Variants in DOCK11 observed in about 807,000 individuals in gnomAD.
DOCK11 encodes the protein dedicator of cytokinesis 11.
In DOCK11, 70 loss-of-function variants were observed where a neutral mutation model predicts 169.1. That is an observed-to-expected ratio of 0.41 (90% CI 0.34 to 0.51). DOCK11 has a LOEUF of 0.51. Ranked by LOEUF, DOCK11 falls within the 20% of genes least tolerant of loss-of-function variation. The probability of loss-of-function intolerance (pLI) is 0.10; values close to 1 mark genes in which losing one functional copy is unlikely to be tolerated. For synonymous variants in DOCK11, 529 were observed against 541.3 expected (o/e 0.98, Z 0.32); for missense variants, 1,166 against 1,538.8 (o/e 0.76, Z 4.05).
At chrX:118,632,162 C>G (rs1165059502) in intron 35 of DOCK11, among the ~76,000 whole-genome samples, 1 of 110,927 alleles carries the variant, frequency 9.0e-6, no homozygotes, top group Non-Finnish European at 1.9e-5. Flanking sequence ...ACGGTGTTAG[C>G]CAGGATGGTC....
intron 41 of DOCK11, 104 bp downstream of exon 41, chrX:118,649,231 C>A: frequency 4.9e-6 from 3 of 615,038 alleles, no homozygotes; most frequent in South Asian, 5.1e-5. Context: ...ATGTGGCCAT[C>A]TAGCACTTGA....
At chrX:118,538,600 C>A in intron 1 of DOCK11, 1 of 540,529 alleles carries the variant, frequency 1.9e-6, no homozygotes, top group African/African-American at 2.5e-5. Flanking sequence ...AAGACTGAAA[C>A]ATATGCTCAC....
In DOCK11 at chrX:118,561,424, C is replaced by T. The variant is rs2012904789; in HGVS notation, c.600C>T (p.Asp200=). ...RRYFYLTQLP[D]GSYILNSYKD... ...ATTTTTACTTGACCCAACTTCCTGACGGTTCATATATTCTCAATTCCTATA... is the reference window on the plus strand; with the variant it reads ...ATTTTTACTTGACCCAACTTCCTGATGGTTCATATATTCTCAATTCCTATA... The change falls in exon 7 of 53, where the codon GAC becomes GAT. Residue 200 remains aspartate, a synonymous_variant. Transcript: ENST00000276202. 4.2e-6 allele frequency: 5 copies of T among 1,201,156 alleles called. No homozygotes were observed. The highest frequency in any genetic ancestry group is 3.0e-5 in the East Asian group (1 of 33,476).
chrX:118,647,759 A>T (rs189022026), intron 40 of DOCK11, among the ~76,000 whole-genome samples: 7,282 of 49,055 alleles, frequency 0.15, 538 homozygotes, highest in African/African-American at 0.18. Context: ...AATAATATAT[A>T]ATATATTATA....
chrX:118,652,137 TC>T, intron 42 of DOCK11, 60 bp downstream of exon 42: 6 of 733,977 alleles, frequency 8.2e-6, no homozygotes, highest in African/African-American at 2.1e-5. Context: ...AAGTTTAAAC[TC>T]TTAAACTGTC....
intron 12 of DOCK11, among the ~76,000 whole-genome samples, chrX:118,575,415 A>G (rs1198156661): frequency 8.9e-6 from 1 of 112,587 alleles, no homozygotes; most frequent in Non-Finnish European, 1.9e-5. Flanking sequence ...ATCAGAAATA[A>G]TGCTGCATTG....
At chrX:118,498,451 T>A (rs1184244676) in intron 1 of DOCK11, among the ~76,000 whole-genome samples, 1 of 112,613 alleles carries the variant, frequency 8.9e-6, no homozygotes, top group African/African-American at 3.2e-5. Flanking sequence ...AAATAGTTCT[T>A]ACATGGAATG....
At chrX:118,613,025 T>C (rs185839389) in intron 28 of DOCK11, among the ~76,000 whole-genome samples, 1 of 112,218 alleles carries the variant, frequency 8.9e-6, no homozygotes, top group East Asian at 2.8e-4. Flanking sequence ...ACTTATCTTT[T>C]AGGCTCAGCT....
chrX:118,670,369 G>A (rs2016439261), intron 45 of DOCK11, among the ~76,000 whole-genome samples: 1 of 111,607 alleles, frequency 9.0e-6, no homozygotes, highest in African/African-American at 3.3e-5. Flanking sequence ...AACATGAGAT[G>A]AAGGTTCACA....
intron 34 of DOCK11, 28 bp downstream of exon 34, chrX:118,628,300 C>T (rs1247333170): frequency 1.9e-6 from 2 of 1,034,413 alleles, no homozygotes; most frequent in Admixed American, 2.4e-5. Context: ...TAGGATGACC[C>T]TAGTGACACA....
At chrX:118,679,393 CCAATAAGT>C (rs1406017342) in intron 48 of DOCK11, among the ~76,000 whole-genome samples, 2 of 111,849 alleles carry the variant, frequency 1.8e-5, no homozygotes, top group African/African-American at 6.5e-5. Flanking sequence ...AGAGAATGGT[CCAATAAGT>C]CATGTTTATC....
chrX:118,587,000 A>G (rs185971199), intron 16 of DOCK11, among the ~76,000 whole-genome samples: 216 of 112,478 alleles, frequency 1.9e-3, no homozygotes, highest in Non-Finnish European at 3.5e-3. Flanking sequence ...CTAAGAGTAC[A>G]ATGGATTATT....
chrX:118,581,462 G>A (rs762138257), intron 14 of DOCK11, among the ~76,000 whole-genome samples: 1 of 111,220 alleles, frequency 9.0e-6, no homozygotes, highest in Non-Finnish European at 1.9e-5. Context: ...TAATGCTCCA[G>A]CCTGAAAAGT....
chrX:118,652,728 AG>A (rs2015974986), intron 42 of DOCK11, among the ~76,000 whole-genome samples: 1 of 112,214 alleles, frequency 8.9e-6, no homozygotes, highest in African/African-American at 3.2e-5. Flanking sequence ...TCTGATCTTC[AG>A]TGACACATGT....
chrX:118,637,959 C>A, intron 36 of DOCK11, 121 bp from the exon 37 acceptor site: 2 of 535,396 alleles, frequency 3.7e-6, no homozygotes, highest in Non-Finnish European at 5.9e-6. Context: ...TAGCAAAACA[C>A]TTATCATTAT....
At chrX:118,526,181 A>C in intron 1 of DOCK11, among the ~76,000 whole-genome samples, 2 of 112,250 alleles carry the variant, frequency 1.8e-5, no homozygotes, top group South Asian at 7.3e-4. Context: ...TCTGGCTTCC[A>C]GCTCCAGTCG....
rs770695068 is a variant in DOCK11 at position 118,608,288 on chromosome X, C to T, written c.2809C>T (p.Leu937=). 2 of 1,210,934 alleles carry T rather than the reference C, an allele frequency of 1.7e-6. No individual in the cohort carries two copies. Among genetic ancestry groups the T allele is most frequent in the South Asian group, 1.8e-5 (1 of 56,889 alleles). ...TCAGGCCCAGCTGATACATGAAACC[C>T]TGGCTACTACGATGATAGCAATATT... The part of the protein sequence containing the change: ...APQAQLIHET[L]ATTMIAILKQ... The change falls in exon 26 of 53, where the codon CTG becomes TTG. Residue 937 remains leucine, a synonymous_variant. Transcript: ENST00000276202.
chrX:118,500,874 C>A (rs1188520350), intron 1 of DOCK11, among the ~76,000 whole-genome samples: 2 of 111,072 alleles, frequency 1.8e-5, no homozygotes, highest in Non-Finnish European at 3.8e-5. Flanking sequence ...AACTCCTGAG[C>A]TCAAGCAGTC....
intron 1 of DOCK11, among the ~76,000 whole-genome samples, chrX:118,515,549 G>A (rs932962016): frequency 2.5e-4 from 28 of 111,331 alleles, no homozygotes; most frequent in African/African-American, 8.8e-4. Flanking sequence ...TTTCACGTCT[G>A]TAAAGACCCT....
Sources: allele counts gnomAD v4.1 joint callset (sites outside exome capture counted in the v4.1 genomes callset), GRCh38; gene constraint gnomAD v4.1.1; transcripts MANE v1.5; gene names NCBI Gene and HGNC (gene_info 2026-07-23, HGNC 2026-07-21).